IGF2R: variants seen among roughly 807,000 people sequenced by gnomAD.
IGF2R encodes cation-independent mannose-6-phosphate receptor.
A neutral mutation model predicts 270.6 loss-of-function variants in IGF2R; 91 were observed. The observed-to-expected ratio is 0.34, with a 90% confidence interval of 0.28 to 0.40. IGF2R has a LOEUF of 0.40. Ranked by LOEUF, IGF2R falls within the 10% of genes least tolerant of loss-of-function variation. IGF2R has a pLI of 1.00. For missense variants in IGF2R, 2,805 were observed against 3,188.3 expected (o/e 0.88, Z 2.90); for synonymous variants, 1,316 against 1,258.9 (o/e 1.05, Z -0.96).
Position 160,063,621 on chromosome 6 carries a change from A to G in IGF2R, c.3877A>G (p.Lys1293Glu). Residue 1293 changes from lysine to glutamate, a missense_variant, in exon 27 of 48, where the codon AAA (lysine) becomes GAA (glutamate). Coordinates refer to ENST00000356956, the MANE Select transcript of IGF2R (RefSeq NM_000876.4). The part of the protein sequence containing the change: ...QEKREPQGFH[K>E]VAGLLTQKLT... ...AAAGCGGGAACCGCAGGGATTTCAC[A>G]AAGTGGCAGGTACCATTGTTTGTCG... 1.9e-6 allele frequency: 3 copies of G among 1,613,382 alleles called. No homozygotes were observed. The highest frequency in any genetic ancestry group is 2.5e-6 in the Non-Finnish European group (3 of 1,179,262).
chr6:160,045,806 T>C lies in IGF2R; in HGVS notation c.1827T>C (p.Phe609=), dbSNP rs1583277343. The change falls in exon 14 of 48, where the codon TTT becomes TTC. Residue 609 remains phenylalanine (F), a synonymous_variant. Transcript: ENST00000356956. ...TSGEGGCFYE[F]EWHTAAACVL... is the part of the protein sequence containing the mutation. Reference sequence around the variant, plus strand: ...GGGAAGGCGGTTGCTTTTATGAGTTTGAGTGGCACACAGCTGCGGCCTGTG... The same window carrying C: ...GGGAAGGCGGTTGCTTTTATGAGTTCGAGTGGCACACAGCTGCGGCCTGTG... 5 of 1,613,926 alleles carry C rather than the reference T, an allele frequency of 3.1e-6. No homozygotes were observed. The highest frequency in any genetic ancestry group is 4.2e-6 in the Non-Finnish European group (5 of 1,179,878).
chr6:160,002,578 T>G (rs1562338528), intron 2 of IGF2R, among the ~76,000 whole-genome samples: 1 of 152,212 alleles, frequency 6.6e-6, no homozygotes, highest in Non-Finnish European at 1.5e-5. Flanking sequence ...TGTGTATAAG[T>G]GGACCTGGGA....
rs773883927 is a variant in IGF2R, at chr6:160,058,940, C to T, written c.2933C>T (p.Thr978Ile). 1 of 1,614,204 alleles carries T rather than the reference C, an allele frequency of 6.2e-7. No individual in the cohort carries two copies. Among genetic ancestry groups the T allele is most frequent in the East Asian group, 2.2e-5 (1 of 44,892 alleles). ...NVCGTMPVCG[T>I]ILGKPASGCE... ...TGCGGCACAATGCCTGTCTGTGGGA[C>T]CATCCTGGGAAAACCTGCTTCTGGC... is the stretch of plus-strand genomic sequence containing the variant. Residue 978 changes from threonine (T) to isoleucine (I), a missense_variant, in exon 22 of 48, where the codon ACC becomes ATC. Coordinates refer to ENST00000356956, the MANE Select transcript of IGF2R (RefSeq NM_000876.4).
chr6:160,058,377 C>T (rs1048193998), intron 21 of IGF2R, among the ~76,000 whole-genome samples: 1 of 152,190 alleles, frequency 6.6e-6, no homozygotes, highest in Non-Finnish European at 1.5e-5. Context: ...GAAACACTTT[C>T]TAAAGGTAGT....
At chr6:160,025,369 T>C (rs186423020) in intron 5 of IGF2R, among the ~76,000 whole-genome samples, 15 of 152,380 alleles carry the variant, frequency 9.8e-5, no homozygotes, top group African/African-American at 3.6e-4. Flanking sequence ...TCTGCAGTGC[T>C]AGCCATGAGT....
intron 1 of IGF2R, among the ~76,000 whole-genome samples, chr6:159,970,174 G>A (rs1465909133): frequency 6.6e-6 from 1 of 152,040 alleles, no homozygotes; most frequent in Non-Finnish European, 1.5e-5. Flanking sequence ...TGTTCACCTC[G>A]CGCAACTGCT....
At position 160,056,466 on chromosome 6, in the gene IGF2R, A is replaced by G; in HGVS notation, c.2737A>G (p.Ser913Gly). The change falls in exon 20 of 48, where the codon AGT becomes GGT. Residue 913 changes from serine (S) to glycine (G), a missense_variant. Ser to Gly is a moderately conservative substitution (Grantham distance 56). This residue lies in a region of IGF2R where 1,851 missense variants were observed against 2,207.2 expected (regional missense o/e 0.84). Coordinates refer to ENST00000356956, the MANE Select transcript of IGF2R (RefSeq NM_000876.4). Reference protein sequence around the residue: ...IFSLNWECVVSFLWNTEAACP... With the variant: ...IFSLNWECVVGFLWNTEAACP... ...TTCTCTCAACTGGGAGTGTGTGGTC[A>G]GTTTCCTGTGGAACACAGAGGCTGC... The G allele has an allele frequency of 6.2e-7, 1 of 1,614,138 alleles. No homozygotes were observed. Among genetic ancestry groups the G allele is most frequent in the African/African-American group, 1.3e-5 (1 of 75,052 alleles).
chr6:160,066,800 T>C (rs1217662103), intron 29 of IGF2R, among the ~76,000 whole-genome samples: 1 of 152,238 alleles, frequency 6.6e-6, no homozygotes, highest in Non-Finnish European at 1.5e-5. Context: ...CTATTTCTGT[T>C]TCTTCTGTTG....
intron 7 of IGF2R, 84 bp downstream of exon 7, chr6:160,029,739 G>A (rs2115229688): frequency 1.1e-6 from 1 of 913,330 alleles, no homozygotes; most frequent in South Asian, 1.4e-5. Context: ...CTTGGGGCAG[G>A]GTGGGCCTGG....
intron 1 of IGF2R, among the ~76,000 whole-genome samples, chr6:159,980,236 A>AAAGAAAGAAAGG (rs1554234699): frequency 1.5e-5 from 2 of 136,078 alleles, no homozygotes; most frequent in African/African-American, 2.9e-5. Flanking sequence ...AGAAAGAAAG[A>AAAGAAAGAAAGG]AAGGTACATG....
intron 10 of IGF2R, 74 bp downstream of exon 10, chr6:160,034,596 T>C: frequency 1.0e-6 from 1 of 967,826 alleles, no homozygotes; most frequent in East Asian, 2.5e-5. Flanking sequence ...CACAGGCGTG[T>C]TCTTGGAAGT....
chr6:159,995,057 A>C lies in IGF2R; in HGVS notation c.289+3734A>C, dbSNP rs979212239. On this transcript the variant is annotated intron_variant, in intron 2 of 47. Transcript: ENST00000356956. ...TGAGGTGTTGAAGTCTCTCATTATT[A>C]TTACATTGCTGTCTATCTCCTCTTA... is the stretch of plus-strand genomic sequence containing the variant. Among the ~76,000 whole-genome samples the C allele has an allele frequency of 2.0e-5, 3 of 152,076 alleles. No individual in the cohort carries two copies. The South Asian group carries it at 6.2e-4, about 31-fold the overall frequency.
chr6:159,996,888 G>A lies in IGF2R; in HGVS notation c.289+5565G>A, dbSNP rs549955191. 2.3e-4 allele frequency among the ~76,000 whole-genome samples: 35 copies of A among 152,308 alleles called. 1 individual carries two copies. Among genetic ancestry groups the A allele is most frequent in the Admixed American group, 1.8e-3 (27 of 15,306 alleles). On this transcript the variant is annotated intron_variant, in intron 2 of 47. Coordinates refer to ENST00000356956, the MANE Select transcript of IGF2R (RefSeq NM_000876.4). ...TGCAAGTCCTGGCTCAGTGGAAGTCGTGCAAGTCCACTGCCAGTGGAAATG... is the reference window on the plus strand; with the variant it reads ...TGCAAGTCCTGGCTCAGTGGAAGTCATGCAAGTCCACTGCCAGTGGAAATG...
At chr6:160,015,745 A>G (rs1041845961) in intron 4 of IGF2R, among the ~76,000 whole-genome samples, 1 of 152,116 alleles carries the variant, frequency 6.6e-6, no homozygotes, top group East Asian at 1.9e-4. Context: ...TGAATCCCTA[A>G]TGCTGGAGGT....
chr6:159,983,656 C>A (rs1466729980), intron 1 of IGF2R, among the ~76,000 whole-genome samples: 1 of 152,208 alleles, frequency 6.6e-6, no homozygotes, highest in Non-Finnish European at 1.5e-5. Flanking sequence ...TTCTGCTGCT[C>A]CCCGTTTCCT....
chr6:160,024,512 A>G, intron 4 of IGF2R, 60 bp from the exon 5 acceptor site: 1 of 1,537,964 alleles, frequency 6.5e-7, no homozygotes. Flanking sequence ...ATTGGTCATA[A>G]GCTTTTCTGA....
chr6:160,045,787 G>A lies in IGF2R; in HGVS notation c.1808G>A (p.Gly603Asp). 6.2e-7 allele frequency: 1 copy of A among 1,614,152 alleles called. No individual in the cohort carries two copies. Among genetic ancestry groups the A allele is most frequent in the South Asian group, 1.1e-5 (1 of 91,080 alleles). ...CCAGTGTTGAGAACTTCTGGGGAAG[G>A]CGGTTGCTTTTATGAGTTTGAGTGG... ...SAPVLRTSGEGGCFYEFEWHT... is the reference protein window; with the variant it reads ...SAPVLRTSGEDGCFYEFEWHT... Residue 603 changes from glycine to aspartate, a missense_variant, in exon 14 of 48, where the codon GGC becomes GAC. Gly to Asp is a moderately conservative substitution (Grantham distance 94, BLOSUM62 -1). This residue lies in a region of IGF2R where 954 missense variants were observed against 981.1 expected (regional missense o/e 0.97). Transcript: ENST00000356956.
At chr6:160,001,270 T>C (rs1048313095) in intron 2 of IGF2R, among the ~76,000 whole-genome samples, 6 of 151,998 alleles carry the variant, frequency 3.9e-5, no homozygotes, top group African/African-American at 1.2e-4. Flanking sequence ...GCGAACCCTA[T>C]TGTGAACTGC....
Position 160,061,867 on chromosome 6 carries a change from G to A in IGF2R, c.3521G>A (p.Gly1174Asp). The part of the protein sequence containing the change: ...NGSLSIMYVN[G>D]DKCGNQRFST... ...TCTTTGAGCATCATGTATGTCAACG[G>A]TGACAAGTGTGGGAACCAGCGCTTC... The change falls in exon 25 of 48, where the codon GGT becomes GAT. Residue 1174 changes from glycine (G) to aspartate (D), a missense_variant. Around this residue, in one of 2 missense-constraint regions of IGF2R, gnomAD observed 1,851 missense variants for 2,207.2 expected, o/e 0.84. Transcript: ENST00000356956. The A allele has an allele frequency of 1.9e-6, 3 of 1,614,172 alleles. No individual in the cohort carries two copies. The highest frequency in any genetic ancestry group is 1.7e-6 in the Non-Finnish European group (2 of 1,180,028).
Sources: gnomAD v4.1 joint callset for allele counts (sites outside exome capture counted in the v4.1 genomes callset) on GRCh38, gnomAD v4.1.1 for gene constraint, gnomAD v4.1.1 regional missense constraint, MANE v1.5 for transcripts, NCBI Gene and HGNC (gene_info 2026-07-23, HGNC 2026-07-21) for gene names.